NCKAP5: variants seen among roughly 807,000 people sequenced by gnomAD.
The protein encoded by NCKAP5 is NCK associated protein 5, also known as nck-associated protein 5.
Under a neutral mutation model 167.0 loss-of-function variants are expected in NCKAP5, and 92 were observed. That is an observed-to-expected ratio of 0.55 (90% confidence interval 0.47 to 0.66). The LOEUF is 0.66. NCKAP5 is among the 30% of genes least tolerant of loss of function. The pLI is 0.00. For synonymous variants in NCKAP5, 891 were observed against 877.4 expected, an observed-to-expected ratio of 1.02 and a Z score of -0.27; for missense variants, 2,378 against 2,315.0, an observed-to-expected ratio of 1.03 and a Z score of -0.56.
At chr2:132,766,006 G>T (rs1263395197) in intron 16 of NCKAP5, among the ~76,000 whole-genome samples, 2 of 152,068 alleles carry the variant, frequency 1.3e-5, no homozygotes, top group Non-Finnish European at 2.9e-5. Flanking sequence ...TGTAGGCTGG[G>T]CACGGTGGCT....
At chr2:133,163,669 G>A (rs541104588) in intron 5 of NCKAP5, among the ~76,000 whole-genome samples, 12 of 152,282 alleles carry the variant, frequency 7.9e-5, no homozygotes, top group Non-Finnish European at 1.0e-4. Context: ...TCTTGTAAAG[G>A]TGCAGTGAGG....
At chr2:133,641,461 T>A in the NCKAP5 span, among the ~76,000 whole-genome samples, 4 of 152,234 alleles carry the variant, frequency 2.6e-5, no homozygotes, top group Admixed American at 2.6e-4. Flanking sequence ...CCTAGCTCAC[T>A]GTAGGAAGCC....
intron 6 of NCKAP5, among the ~76,000 whole-genome samples, chr2:133,043,417 A>G (rs2079280271): frequency 6.6e-6 from 1 of 152,284 alleles, no homozygotes; most frequent in East Asian, 1.9e-4. Context: ...GTATTCTTTA[A>G]TTCAGGGGTT....
intron 3 of NCKAP5, among the ~76,000 whole-genome samples, chr2:133,425,249 G>A (rs1689719432): frequency 6.6e-6 from 1 of 152,232 alleles, no homozygotes; most frequent in Non-Finnish European, 1.5e-5. Flanking sequence ...AATGGGGATA[G>A]AGGGAATTTC....
intron 3 of NCKAP5, among the ~76,000 whole-genome samples, chr2:133,353,640 T>G (rs1490175628): frequency 6.6e-6 from 1 of 151,976 alleles, no homozygotes; most frequent in Non-Finnish European, 1.5e-5. Flanking sequence ...TCACATAAAC[T>G]GCAAACCCCA....
intron 1 of NCKAP5, among the ~76,000 whole-genome samples, chr2:133,567,545 G>C (rs1688639281): frequency 6.6e-6 from 1 of 152,208 alleles, no homozygotes; most frequent in South Asian, 2.1e-4. Context: ...CAGAAGACAA[G>C]TCAGAACATT....
intron 11 of NCKAP5, among the ~76,000 whole-genome samples, chr2:132,804,680 G>T (rs902911759): frequency 6.6e-6 from 1 of 152,140 alleles, no homozygotes; most frequent in African/African-American, 2.4e-5. Flanking sequence ...TTGCTCTGTG[G>T]GGGGAAGAGA....
chr2:133,592,425 G>C, the NCKAP5 span, among the ~76,000 whole-genome samples: 1 of 152,174 alleles, frequency 6.6e-6, no homozygotes. Context: ...CTTTCTTGTT[G>C]CAATATTCAT....
chr2:132,763,757 A>T (rs565727089), intron 16 of NCKAP5, among the ~76,000 whole-genome samples: 1 of 152,340 alleles, frequency 6.6e-6, no homozygotes, highest in South Asian at 2.1e-4. Context: ...TCAGATGTAT[A>T]TAGAACACAC....
rs1439736932 is a variant in NCKAP5 at position 133,568,412 on chromosome 2, G to C, written c.-326C>G. On this transcript the variant is annotated 5_prime_UTR_variant, in exon 1 of 20. Transcript: ENST00000409261. The stretch of plus-strand genomic sequence containing the variant: ...GGCTGGGAAGTCCTGCCGTGAATGC[G>C]GAGCAAGTTTGCGGAGACTTGCTCC... 1 of 152,194 alleles carries C rather than the reference G, an allele frequency of 6.6e-6. No homozygotes were observed. The highest frequency in any genetic ancestry group is 2.4e-5 in the African/African-American group (1 of 41,436). The allele number at this position is 152,194 out of a possible 1,614,324, so 9.4% of individuals were successfully genotyped here. A position where few individuals can be genotyped will look rare whatever the true frequency, so the allele number is the denominator to read the frequency against.
At chr2:133,174,487 A>T (rs1316290070) in intron 5 of NCKAP5, among the ~76,000 whole-genome samples, 1 of 152,166 alleles carries the variant, frequency 6.6e-6, no homozygotes, top group African/African-American at 2.4e-5. Context: ...TAATTTTAGC[A>T]TCCATCATTA....
chr2:133,358,782 G>A (rs1684907145), intron 3 of NCKAP5, among the ~76,000 whole-genome samples: 1 of 152,170 alleles, frequency 6.6e-6, no homozygotes, highest in Non-Finnish European at 1.5e-5. Flanking sequence ...AAAGCCATAT[G>A]GCTAACACTG....
chr2:133,388,889 G>A (rs780276558), intron 3 of NCKAP5, among the ~76,000 whole-genome samples: 6 of 152,210 alleles, frequency 3.9e-5, no homozygotes, highest in African/African-American at 1.2e-4. Context: ...TTGGAAACAC[G>A]CAGTATTAGG....
At chr2:132,800,995 T>G (rs1684988399) in intron 11 of NCKAP5, among the ~76,000 whole-genome samples, 1 of 152,116 alleles carries the variant, frequency 6.6e-6, no homozygotes, top group African/African-American at 2.4e-5. Flanking sequence ...TCCTTTACAG[T>G]CAGGTGTGCC....
chr2:133,241,701 G>C (rs1292691821), intron 4 of NCKAP5, among the ~76,000 whole-genome samples: 1 of 152,098 alleles, frequency 6.6e-6, no homozygotes, highest in African/African-American at 2.4e-5. Flanking sequence ...AGGGGGACAA[G>C]CCCTCCTTCT....
At chr2:133,314,097 C>A (rs534342393) in intron 3 of NCKAP5, among the ~76,000 whole-genome samples, 1 of 152,152 alleles carries the variant, frequency 6.6e-6, no homozygotes, top group African/African-American at 2.4e-5. Flanking sequence ...CATTCAAAAT[C>A]TGGCCAGGTA....
chr2:133,089,393 C>A (rs59418354), intron 6 of NCKAP5, among the ~76,000 whole-genome samples: 13,408 of 152,168 alleles, frequency 0.088, 875 homozygotes, highest in African/African-American at 0.18. Flanking sequence ...CTGTTTGATT[C>A]TAAGTATGTG....
Position 132,678,294 on chromosome 2 carries a change from A to G in NCKAP5, c.5714-4989T>C, listed in dbSNP as rs570131207. On this transcript the variant is annotated intron_variant, in intron 19 of 19. Transcript: ENST00000409261. ...AAATAGTGCAATCAATTATTGTTCT[A>G]TGATAAATGCTACTCTTTCATTATT... Among the ~76,000 whole-genome samples the G allele has an allele frequency of 2.6e-5, 4 of 152,328 alleles. No individual in the cohort carries two copies. In the East Asian group the frequency reaches 7.7e-4, roughly 29 times the overall value.
At position 132,728,817 on chromosome 2, in the gene NCKAP5, T is replaced by A; in HGVS notation, c.5579A>T (p.Gln1860Leu). 5 of 1,613,776 alleles carry A rather than the reference T, an allele frequency of 3.1e-6. No homozygotes were observed. The highest frequency in any genetic ancestry group is 4.2e-6 in the Non-Finnish European group (5 of 1,179,786). The change falls in exon 18 of 20, where the codon CAG (glutamine) becomes CTG (leucine). Residue 1860 changes from glutamine to leucine, a missense_variant and splice_region_variant. Physicochemically the swap from Gln to Leu is moderately radical, Grantham distance 113. Around this residue, in one of 3 missense-constraint regions of NCKAP5, gnomAD observed 1,325 missense variants for 1,274.5 expected, o/e 1.04. Transcript: ENST00000409261. ...CCTTCACCTCCCCCGACCCCTCACC[T>A]GGGTCCCGGTGGCAGCAACTTCACT... ...WGSEVAATGT[Q>L]DKAPRMCTYS...
Sources: allele counts gnomAD v4.1 joint callset (sites outside exome capture counted in the v4.1 genomes callset), GRCh38; gene constraint gnomAD v4.1.1; regional missense constraint gnomAD v4.1.1; transcripts MANE v1.5; gene names NCBI Gene and HGNC (gene_info 2026-07-23, HGNC 2026-07-21).